The following ZNF485 variants were observed in gnomAD, a reference collection of about 807,000 sequenced individuals.
ZNF485 encodes Zinc finger protein 93 (Zinc finger protein HTF34).
Under a neutral mutation model 10.8 loss-of-function variants are expected in ZNF485, and 9 were observed. That is an observed-to-expected ratio of 0.83 (90% CI 0.50 to 1.45). ZNF485 has a LOEUF of 1.45. Among genes scored for constraint, ZNF485 ranks in the 40% most tolerant of loss-of-function variants. The pLI, the probability that ZNF485 is intolerant of heterozygous loss-of-function variation, is 0.00. For missense variants in ZNF485, 487 were observed against 528.0 expected, an observed-to-expected ratio of 0.92 and a Z score of 0.76; for synonymous variants, 187 against 181.0, an observed-to-expected ratio of 1.03 and a Z score of -0.27.
In ZNF485 at chr10:43,609,500, C is replaced by CT; in HGVS notation, c.247+154dup. On this transcript the variant is annotated intron_variant, in intron 4 of 4. Transcript: ENST00000361807. ...CATCCTCCTGTCAAGTGGCTGGCCG[C>CT]TTTTCTCCCCAGTCTTTCTGCACTT... 5.0e-6 allele frequency: 3 copies of CT among 601,406 alleles called. No individual in the cohort carries two copies. In the East Asian group the frequency reaches 8.6e-5, roughly 17 times the overall value. The allele number at this position is 601,406 out of a possible 1,614,324, so 37.3% of individuals were successfully genotyped here.
intron 4 of ZNF485, among the ~76,000 whole-genome samples, chr10:43,613,093 T>G (rs765000366): frequency 6.6e-6 from 1 of 152,218 alleles, no homozygotes; most frequent in Non-Finnish European, 1.5e-5. Flanking sequence ...TAGACTCTCC[T>G]TTTCTTAAAG....
chr10:43,611,255 A>G (rs1838762088), intron 4 of ZNF485, among the ~76,000 whole-genome samples: 1 of 151,540 alleles, frequency 6.6e-6, no homozygotes, highest in African/African-American at 2.4e-5. Flanking sequence ...TTTTGTAGAG[A>G]TGAGATCTCG....
chr10:43,606,610 G>A (rs917814172), intron 1 of ZNF485, 64 bp downstream of exon 1: 9 of 289,476 alleles, frequency 3.1e-5, no homozygotes, highest in African/African-American at 2.0e-4. Flanking sequence ...GGTGCTCCCC[G>A]CCTTTCCCAG....
Position 43,617,738 on chromosome 10 carries a change from G to T in ZNF485, c.*369G>T, listed in dbSNP as rs1026998450. The T allele has an allele frequency of 5.2e-5, 9 of 172,130 alleles. No homozygotes were observed. The highest frequency in any genetic ancestry group is 9.9e-5 in the Non-Finnish European group (8 of 80,524). 10.7% of individuals were successfully genotyped at this position (172,130 alleles called of 1,614,324 possible). A position where few individuals can be genotyped will look rare whatever the true frequency, so the allele number is the denominator to read the frequency against. On this transcript the variant is annotated 3_prime_UTR_variant, in exon 5 of 5. Coordinates refer to ENST00000361807, the MANE Select transcript of ZNF485 (RefSeq NM_145312.4). Reference sequence around the variant, plus strand: ...GCATGTGAATAGCCACTGCACTCCAGCCTGGGCAACATAGCAAGACTCCAT... The same window carrying T: ...GCATGTGAATAGCCACTGCACTCCATCCTGGGCAACATAGCAAGACTCCAT...
chr10:43,616,860 A>C lies in ZNF485; in HGVS notation c.817A>C (p.Asn273His). 6.2e-7 allele frequency: 1 copy of C among 1,614,130 alleles called. No individual in the cohort carries two copies. Among genetic ancestry groups the C allele is most frequent in the South Asian group, 1.1e-5 (1 of 91,080 alleles). The change falls in exon 5 of 5, where the codon AAC (asparagine) becomes CAC (histidine). Residue 273 changes from asparagine (N) to histidine (H), a missense_variant. Transcript: ENST00000361807. ...TAGTGGAGAGAAGCCTTTTAAATGT[A>C]ACAAGTGTGGGAGAGCTTTCAGGGA... ...IHSGEKPFKCNKCGRAFRDNS... is the reference protein window; with the variant it reads ...IHSGEKPFKCHKCGRAFRDNS...
Position 43,616,954 on chromosome 10 carries a change from G to T in ZNF485, c.911G>T (p.Gly304Val), listed in dbSNP as rs1838873257. Residue 304 changes from glycine to valine, a missense_variant, in exon 5 of 5, where the codon GGA becomes GTA. Gly to Val is a moderately radical substitution (Grantham distance 109). Transcript: ENST00000361807. ...AAGCCATATCAGTGTAATGAATGTG[G>T]AAAAGCCTTTAGGAAGAGCTCAACT... is the stretch of plus-strand genomic sequence containing the variant. The part of the protein sequence containing the change: ...GEKPYQCNEC[G>V]KAFRKSSTLI... The T allele has an allele frequency of 6.2e-7, 1 of 1,614,132 alleles. No individual in the cohort carries two copies. The highest frequency in any genetic ancestry group is 8.5e-7 in the Non-Finnish European group (1 of 1,180,042).
Position 43,617,522 on chromosome 10 carries a change from A to G in ZNF485, c.*153A>G, listed in dbSNP as rs935582415. On this transcript the variant is annotated 3_prime_UTR_variant, in exon 5 of 5. Transcript: ENST00000361807. ...TGAGGTTCTACTAGTGAAATATTTG[A>G]AGAAACTAAATGTATGTCAGTATGG... The G allele has an allele frequency of 4.9e-6, 3 of 611,516 alleles. No individual in the cohort carries two copies. Among genetic ancestry groups the G allele is most frequent in the Admixed American group, 6.0e-5 (2 of 33,320 alleles). 37.9% of individuals were successfully genotyped at this position (611,516 alleles called of 1,614,324 possible).
At chr10:43,608,059 A>G (rs901349274) in intron 2 of ZNF485, among the ~76,000 whole-genome samples, 1 of 152,198 alleles carries the variant, frequency 6.6e-6, no homozygotes, top group African/African-American at 2.4e-5. Flanking sequence ...TTCTTTTTTA[A>G]AAATATTCTG....
chr10:43,616,682 C>A lies in ZNF485; in HGVS notation c.639C>A (p.Pro213=). The A allele has an allele frequency of 6.2e-7, 1 of 1,614,040 alleles. No individual in the cohort carries two copies. Among genetic ancestry groups the A allele is most frequent in the Non-Finnish European group, 8.5e-7 (1 of 1,180,010 alleles). ...AGAGAATTCATTCTAGGGAGAAACC[C>A]CACAAATGCATTGAATGTGGAAAAA... ...NHQRIHSREK[P]HKCIECGKTF... The change falls in exon 5 of 5, where the codon CCC becomes CCA. Residue 213 remains proline, a synonymous_variant. Coordinates refer to ENST00000361807, the MANE Select transcript of ZNF485 (RefSeq NM_145312.4).
intron 4 of ZNF485, among the ~76,000 whole-genome samples, chr10:43,614,631 A>G (rs1838822798): frequency 6.6e-6 from 1 of 151,898 alleles, no homozygotes; most frequent in Non-Finnish European, 1.5e-5. Flanking sequence ...CTTTTTTGTC[A>G]GTGCTTTTTT....
intron 4 of ZNF485, 92 bp downstream of exon 4, chr10:43,609,442 G>A: frequency 2.1e-6 from 2 of 946,652 alleles, no homozygotes; most frequent in Non-Finnish European, 1.6e-6. Context: ...TGCCCTGTTG[G>A]TGCAGAAAGG....
At chr10:43,616,173 T>A in intron 4 of ZNF485, 118 bp from the exon 5 acceptor site, 1 of 775,300 alleles carries the variant, frequency 1.3e-6, no homozygotes. Flanking sequence ...TGGGACACAT[T>A]AATAATTTTT....
intron 2 of ZNF485, among the ~76,000 whole-genome samples, chr10:43,607,943 C>T (rs1017393899): frequency 1.3e-5 from 2 of 152,168 alleles, no homozygotes; most frequent in Non-Finnish European, 2.9e-5. Flanking sequence ...ATAGATTTTA[C>T]TTTATATAGT....
At chr10:43,609,115 C>G in intron 3 of ZNF485, 140 bp from the exon 4 acceptor site, 1 of 687,142 alleles carries the variant, frequency 1.5e-6, no homozygotes, top group Non-Finnish European at 2.5e-6. Context: ...CTCTAGGCCT[C>G]TCTGACCTGT....
Position 43,616,932 on chromosome 10 carries a change from C to G in ZNF485, c.889C>G (p.Pro297Ala). The change falls in exon 5 of 5, where the codon CCA (proline) becomes GCA (alanine). Residue 297 changes from proline to alanine, a missense_variant. Physicochemically the swap from Pro to Ala is conservative, Grantham distance 27. Coordinates refer to ENST00000361807, the MANE Select transcript of ZNF485 (RefSeq NM_145312.4). Reference sequence around the variant, plus strand: ...TCAGAAAATCCATACTGGTGAGAAGCCATATCAGTGTAATGAATGTGGAAA... The same window carrying G: ...TCAGAAAATCCATACTGGTGAGAAGGCATATCAGTGTAATGAATGTGGAAA... ...EHQKIHTGEK[P>A]YQCNECGKAF... 1.9e-6 allele frequency: 3 copies of G among 1,614,072 alleles called. No individual in the cohort carries two copies. The highest frequency in any genetic ancestry group is 2.5e-6 in the Non-Finnish European group (3 of 1,180,032).
At chr10:43,615,965 A>ATT (rs1838849295) in intron 4 of ZNF485, among the ~76,000 whole-genome samples, 2 of 151,946 alleles carry the variant, frequency 1.3e-5, no homozygotes, top group African/African-American at 4.8e-5. Flanking sequence ...TTTCTCCTCA[A>ATT]TTTTGTATTT....
At position 43,607,039 on chromosome 10, in the gene ZNF485, T is replaced by A; in HGVS notation, c.-12T>A. 6.4e-7 allele frequency: 1 copy of A among 1,551,854 alleles called. No individual in the cohort carries two copies. Among genetic ancestry groups the A allele is most frequent in the African/African-American group, 1.4e-5 (1 of 73,172 alleles). On this transcript the variant is annotated 5_prime_UTR_variant, in exon 2 of 5. Transcript: ENST00000361807. Reference sequence around the variant, plus strand: ...TCTCAGCCCTTGCCTGGGAGAACAGTTCAGGAGACAGATGGCCCCAAGAGC... The same window carrying A: ...TCTCAGCCCTTGCCTGGGAGAACAGATCAGGAGACAGATGGCCCCAAGAGC...
At chr10:43,610,582 T>C (rs1211178791) in intron 4 of ZNF485, among the ~76,000 whole-genome samples, 1 of 152,218 alleles carries the variant, frequency 6.6e-6, no homozygotes, top group Non-Finnish European at 1.5e-5. Context: ...TCTTTCTGTT[T>C]TAATTTTGGT....
intron 4 of ZNF485, 77 bp from the exon 5 acceptor site, chr10:43,616,214 T>G: frequency 8.4e-7 from 1 of 1,190,432 alleles, no homozygotes; most frequent in Admixed American, 2.3e-5. Flanking sequence ...AATAGAACAT[T>G]ATTCAAGTCC....
Sources: gnomAD v4.1 joint callset for allele counts (sites outside exome capture counted in the v4.1 genomes callset) on GRCh38, gnomAD v4.1.1 for gene constraint, MANE v1.5 for transcripts, NCBI Gene and HGNC (gene_info 2026-07-23, HGNC 2026-07-21) for gene names.